ZCCHC7: variants seen among roughly 807,000 people sequenced by gnomAD.
ZCCHC7 encodes the protein zinc finger CCHC-type containing 7.
Under a neutral mutation model 52.0 loss-of-function variants are expected in ZCCHC7, and 35 were observed. The ratio of observed to expected loss-of-function variants is 0.67; its 90% CI spans 0.51 to 0.89. The LOEUF is 0.89. ZCCHC7 is among the 40% of genes least tolerant of loss of function. The pLI, the probability that ZCCHC7 is intolerant of heterozygous loss-of-function variation, is 0.00. For synonymous variants in ZCCHC7, 217 were observed against 221.5 expected (o/e 0.98, Z 0.18); for missense variants, 574 against 649.1 (o/e 0.88, Z 1.26).
intron 4 of ZCCHC7, among the ~76,000 whole-genome samples, 161 bp from the exon 5 acceptor site, chr9:37,305,383 G>A (rs1477240487): frequency 6.6e-6 from 1 of 152,128 alleles, no homozygotes; most frequent in Admixed American, 6.5e-5. Context: ...TACATACAGT[G>A]TTTTGGACAT....
chr9:37,342,433 A>G (rs935091499), intron 6 of ZCCHC7, among the ~76,000 whole-genome samples: 1 of 152,240 alleles, frequency 6.6e-6, no homozygotes, highest in African/African-American at 2.4e-5. Context: ...GGCTGAAGAT[A>G]GAATTTTAGA....
intron 2 of ZCCHC7, among the ~76,000 whole-genome samples, chr9:37,224,287 C>T (rs1369007494): frequency 6.6e-6 from 1 of 152,060 alleles, no homozygotes; most frequent in Non-Finnish European, 1.5e-5. Context: ...TTACCAAAAG[C>T]CTTAAAGTGT....
intron 5 of ZCCHC7, among the ~76,000 whole-genome samples, chr9:37,318,844 C>T (rs1564251467): frequency 6.7e-6 from 1 of 149,530 alleles, no homozygotes; most frequent in Non-Finnish European, 1.5e-5. Context: ...GGGAGAATCA[C>T]AAGTCAGAGA....
chr9:37,210,519 A>C (rs1564180720), intron 2 of ZCCHC7, among the ~76,000 whole-genome samples: 1 of 152,216 alleles, frequency 6.6e-6, no homozygotes, highest in Non-Finnish European at 1.5e-5. Context: ...GTGTATAATA[A>C]TGAACAAGGT....
intron 3 of ZCCHC7, among the ~76,000 whole-genome samples, chr9:37,302,471 A>G (rs1459266194): frequency 1.3e-5 from 2 of 152,174 alleles, no homozygotes; most frequent in Admixed American, 6.5e-5. Context: ...GAGTCCTCTC[A>G]GCCCATATGG....
chr9:37,336,236 T>C (rs1830647192), intron 6 of ZCCHC7, among the ~76,000 whole-genome samples: 1 of 152,302 alleles, frequency 6.6e-6, no homozygotes, highest in East Asian at 1.9e-4. Flanking sequence ...CTTCCAGCTG[T>C]ATTCTCAGAT....
upstream of ZCCHC7, among the ~76,000 whole-genome samples, chr9:37,120,356 T>TGGGAAG (rs1032847129): frequency 6.6e-6 from 1 of 152,050 alleles, no homozygotes; most frequent in Non-Finnish European, 1.5e-5. Context: ...CAAGAGAAGT[T>TGGGAAG]GGGAAGGGGA....
chr9:37,332,908 GAAT>G (rs1830507947), intron 6 of ZCCHC7, among the ~76,000 whole-genome samples: 1 of 151,476 alleles, frequency 6.6e-6, no homozygotes, highest in African/African-American at 2.4e-5. Context: ...ATTTATTTGT[GAAT>G]GGAGTTAGAA....
chr9:37,159,657 A>G (rs1820989192), intron 2 of ZCCHC7, among the ~76,000 whole-genome samples: 1 of 151,708 alleles, frequency 6.6e-6, no homozygotes, highest in Admixed American at 6.6e-5. Context: ...TACTCCAGAA[A>G]TCTTTGCCGT....
At chr9:37,170,612 T>G (rs1394448438) in intron 2 of ZCCHC7, among the ~76,000 whole-genome samples, 1 of 152,222 alleles carries the variant, frequency 6.6e-6, no homozygotes, top group East Asian at 1.9e-4. Flanking sequence ...CATGAAAACA[T>G]GCCAATGAAA....
At chr9:37,304,448 T>C (rs1829203494) in intron 4 of ZCCHC7, 135 bp downstream of exon 4, 1 of 1,018,670 alleles carries the variant, frequency 9.8e-7, no homozygotes, top group East Asian at 2.8e-5. Flanking sequence ...GGTCAGGAGA[T>C]TGAGACCATC....
chr9:37,171,127 G>T (rs1821705277), intron 2 of ZCCHC7, among the ~76,000 whole-genome samples: 1 of 152,116 alleles, frequency 6.6e-6, no homozygotes, highest in South Asian at 2.1e-4. Flanking sequence ...TTTTACTTGG[G>T]GTAAAATTGG....
At chr9:37,121,821 C>G (rs1564125028) in intron 1 of ZCCHC7, 1 of 152,142 alleles carries the variant, frequency 6.6e-6, no homozygotes, top group Non-Finnish European at 1.5e-5. Context: ...TTTTCCCCCA[C>G]TGAAATACTG....
chr9:37,354,537 G>A lies in ZCCHC7; in HGVS notation c.1084-173G>A, dbSNP rs567111004. Among the ~76,000 whole-genome samples the A allele has an allele frequency of 5.9e-5, 9 of 152,300 alleles. No homozygotes were observed. Among genetic ancestry groups the A allele is most frequent in the Non-Finnish European group, 1.0e-4 (7 of 68,020 alleles). On this transcript the variant is annotated intron_variant, in intron 7 of 8. Transcript: ENST00000336755. This position sits in a 1 kb window ranked among gnomAD's most constrained non-coding sequence, Gnocchi z 4.0. ...TTGAAAGAATATCATAACACAGTGGGGTTTAGGGCTGGGTGACCCTCCCAA... is the reference window on the plus strand; with the variant it reads ...TTGAAAGAATATCATAACACAGTGGAGTTTAGGGCTGGGTGACCCTCCCAA...
At chr9:37,242,579 T>TGTAGATA (rs1440594541) in intron 2 of ZCCHC7, among the ~76,000 whole-genome samples, 1 of 151,742 alleles carries the variant, frequency 6.6e-6, no homozygotes, top group East Asian at 1.9e-4. Context: ...TTGTACTCTA[T>TGTAGATA]GTAGATAGTG....
intron 2 of ZCCHC7, among the ~76,000 whole-genome samples, chr9:37,248,295 A>G (rs1826167954): frequency 6.6e-6 from 1 of 152,218 alleles, no homozygotes; most frequent in Non-Finnish European, 1.5e-5. Context: ...TTTCAGAGCT[A>G]GAACTTTTCC....
At chr9:37,351,607 A>G (rs941955081) in intron 7 of ZCCHC7, among the ~76,000 whole-genome samples, 7 of 152,172 alleles carry the variant, frequency 4.6e-5, no homozygotes, top group African/African-American at 1.4e-4. Flanking sequence ...ATGCCCAGCC[A>G]AGAAGACTTC....
At chr9:37,199,666 G>GTCTT (rs1261607285) in intron 2 of ZCCHC7, among the ~76,000 whole-genome samples, 1 of 122,754 alleles carries the variant, frequency 8.1e-6, no homozygotes, top group Non-Finnish European at 1.8e-5. Flanking sequence ...CTGTCTGTCT[G>GTCTT]TCTTTCTCTC....
intron 2 of ZCCHC7, among the ~76,000 whole-genome samples, chr9:37,254,372 T>G (rs948314108): frequency 9.9e-5 from 15 of 151,876 alleles, no homozygotes; most frequent in African/African-American, 1.4e-4. Context: ...TTACAAAGAG[T>G]TGGGAACTTT....
Sources: gnomAD v4.1 joint callset for allele counts (sites outside exome capture counted in the v4.1 genomes callset) on GRCh38, gnomAD v4.1.1 for gene constraint, Gnocchi (gnomAD v3.1) non-coding constraint, MANE v1.5 for transcripts, NCBI Gene and HGNC (gene_info 2026-07-23, HGNC 2026-07-21) for gene names.